Variants in ATP2B3 observed in about 807,000 individuals in gnomAD.
The protein encoded by ATP2B3 is ATPase plasma membrane Ca2+ transporting 3.
ATP2B3 carries 12 observed loss-of-function variants against 70.8 expected under a neutral mutation model. The ratio of observed to expected loss-of-function variants is 0.17; its 90% CI spans 0.11 to 0.27. The LOEUF (loss-of-function observed/expected upper bound fraction) is 0.27, where lower values mean the gene tolerates loss of function less well. ATP2B3 is among the 10% of genes least tolerant of loss of function. The pLI, the probability that ATP2B3 is intolerant of heterozygous loss-of-function variation, is 1.00. For synonymous variants in ATP2B3, 460 were observed against 497.8 expected, an observed-to-expected ratio of 0.92 and a Z score of 1.01; for missense variants, 858 against 1,118.5, an observed-to-expected ratio of 0.77 and a Z score of 3.32.
intron 2 of ATP2B3, among the ~76,000 whole-genome samples, chrX:153,520,339 G>T (rs1309556204): frequency 2.7e-5 from 3 of 112,498 alleles, no homozygotes; most frequent in Non-Finnish European, 5.6e-5. Context: ...TACCCTCTGG[G>T]CCTCTTGCAG....
intron 13 of ATP2B3, among the ~76,000 whole-genome samples, chrX:153,555,582 C>A (rs987924337): frequency 1.8e-5 from 2 of 112,009 alleles, no homozygotes; most frequent in South Asian, 7.5e-4. Context: ...CCTGTCCCCC[C>A]ACCACTGGGA....
chrX:153,536,387 A>G lies in ATP2B3; in HGVS notation c.140A>G (p.Gln47Arg). Reference protein sequence around the residue: ...LMELRGAEALQKIEEAYGDVS... With the variant: ...LMELRGAEALRKIEEAYGDVS... ...GAGCTGCGAGGGGCCGAGGCGCTGC[A>G]GAAGATCGAGGAGGCCTACGGGGAT... Residue 47 changes from glutamine to arginine, a missense_variant, in exon 3 of 22, where the codon CAG becomes CGG. Gln to Arg is a conservative substitution (Grantham distance 43). Transcript: ENST00000263519. 8.3e-7 allele frequency: 1 copy of G among 1,205,524 alleles called. No individual in the cohort carries two copies. The highest frequency in any genetic ancestry group is 1.1e-6 in the Non-Finnish European group (1 of 893,044).
chrX:153,556,272 C>T lies in ATP2B3; in HGVS notation c.2238+44C>T, dbSNP rs1557013498. 2.5e-6 allele frequency: 3 copies of T among 1,200,288 alleles called. No homozygotes were observed. The South Asian group carries it at 5.4e-5, about 22-fold the overall frequency. ...CCACCCCAGACCCCCCTTCTCCTCA[C>T]CCCAGCCCCCTGCGTGCCCGCCTTA... On this transcript the variant is annotated intron_variant, in intron 14 of 21. Transcript: ENST00000263519.
rs565921476 is a variant in ATP2B3 at position 153,529,004 on chromosome X, G to A, written c.-126-7118G>A. The stretch of plus-strand genomic sequence containing the variant: ...CTGAAAATTAAAACATGACGTAGGA[G>A]GTGGGAGAGTAGCTAGCAAGTTTCT... On this transcript the variant is annotated intron_variant, in intron 2 of 21. Coordinates refer to ENST00000263519, the MANE Select transcript of ATP2B3 (RefSeq NM_001001344.3). 1.8e-3 allele frequency among the ~76,000 whole-genome samples: 201 copies of A among 112,607 alleles called. 6 individuals carry two copies. The South Asian group carries it at 0.069, about 39-fold the overall frequency.
chrX:153,558,379 G>T, intron 17 of ATP2B3, 76 bp downstream of exon 17: 2 of 991,395 alleles, frequency 2.0e-6, no homozygotes, highest in Admixed American at 3.3e-5. Context: ...GAGAGTGAGG[G>T]TTTTGTTTTC....
intron 2 of ATP2B3, among the ~76,000 whole-genome samples, chrX:153,522,079 C>G (rs2089966493): frequency 8.9e-6 from 1 of 112,163 alleles, no homozygotes; most frequent in South Asian, 3.7e-4. Flanking sequence ...GGGACAGGCT[C>G]CAGTCTGAGA....
At chrX:153,554,524 G>A (rs782464203) in intron 13 of ATP2B3, among the ~76,000 whole-genome samples, 18 of 112,910 alleles carry the variant, frequency 1.6e-4, no homozygotes, top group African/African-American at 4.5e-4. Flanking sequence ...TGCGGAGGCT[G>A]GGCAGACCCC....
chrX:153,572,543 G>A (rs2124539777), intron 21 of ATP2B3, among the ~76,000 whole-genome samples: 1 of 112,124 alleles, frequency 8.9e-6, no homozygotes, highest in Admixed American at 9.4e-5. Flanking sequence ...CTGGGGCTCA[G>A]TGCTCACACA....
intron 13 of ATP2B3, among the ~76,000 whole-genome samples, chrX:153,554,703 T>TG (rs1247326961): frequency 1.8e-5 from 2 of 112,694 alleles, no homozygotes; most frequent in Admixed American, 1.9e-4. Context: ...GGCTGGGCCC[T>TG]GGGGAGCCAT....
At chrX:153,567,662 C>T (rs981553420) in intron 21 of ATP2B3, among the ~76,000 whole-genome samples, 3 of 112,391 alleles carry the variant, frequency 2.7e-5, no homozygotes, top group African/African-American at 6.5e-5. Flanking sequence ...CGAGTCCCAT[C>T]GGTCAGAGTC....
chrX:153,548,705 G>A lies in ATP2B3; in HGVS notation c.1189G>A (p.Val397Met), dbSNP rs983976559. 4.5e-5 allele frequency: 55 copies of A among 1,209,497 alleles called. No individual in the cohort carries two copies. The highest frequency in any genetic ancestry group is 5.9e-5 in the East Asian group (2 of 33,730). The change falls in exon 10 of 22, where the codon GTG becomes ATG. Residue 397 changes from valine to methionine, a missense_variant. Coordinates refer to ENST00000263519, the MANE Select transcript of ATP2B3 (RefSeq NM_001001344.3). ...VLYFVIETFV[V>M]EGRTWLAECT... The stretch of plus-strand genomic sequence containing the variant: ...CTACTTTGTGATTGAGACGTTTGTC[G>A]TGGAAGGCCGGACATGGCTGGCAGA...
intron 12 of ATP2B3, among the ~76,000 whole-genome samples, chrX:153,551,055 G>C (rs1267363925): frequency 8.9e-6 from 1 of 112,566 alleles, no homozygotes; most frequent in Non-Finnish European, 1.9e-5. Flanking sequence ...GAATATTCAC[G>C]TACAAGTTTT....
At chrX:153,523,288 C>T (rs1471615408) in intron 2 of ATP2B3, among the ~76,000 whole-genome samples, 9 of 112,651 alleles carry the variant, frequency 8.0e-5, no homozygotes, top group African/African-American at 2.9e-4. Context: ...CGGGATGTAT[C>T]AGGCGGCCTT....
intron 17 of ATP2B3, among the ~76,000 whole-genome samples, chrX:153,558,744 A>T (rs67974384): frequency 0.074 from 8,282 of 111,937 alleles, 363 homozygotes; most frequent in African/African-American, 0.15. Flanking sequence ...ACCGTAGCAT[A>T]GGGCAGGACT....
At chrX:153,542,071 G>C in intron 5 of ATP2B3, 145 bp downstream of exon 5, 1 of 560,437 alleles carries the variant, frequency 1.8e-6, no homozygotes, top group Non-Finnish European at 2.4e-6. Context: ...GGTGGCGGGG[G>C]TGGGGGAGGT....
At chrX:153,543,560 G>A (rs2090319683) in intron 7 of ATP2B3, among the ~76,000 whole-genome samples, 1 of 112,702 alleles carries the variant, frequency 8.9e-6, no homozygotes, top group African/African-American at 3.2e-5. Flanking sequence ...GGGAGGTGGG[G>A]GTCAGAGGTC....
chrX:153,556,553 G>C, intron 15 of ATP2B3, 135 bp downstream of exon 15: 1 of 681,819 alleles, frequency 1.5e-6, no homozygotes, highest in Non-Finnish European at 2.2e-6. Context: ...CATTAGCCCA[G>C]AGCAGCAGGG....
chrX:153,569,819 G>C (rs2090762406), intron 21 of ATP2B3: 1 of 1,144,016 alleles, frequency 8.7e-7, no homozygotes, highest in Non-Finnish European at 1.2e-6. Context: ...AGCCTCCCCA[G>C]CTCGGCCTTC....
rs189426918 is a variant in ATP2B3, at chrX:153,576,082, G to A, written c.3343-3896G>A. The stretch of plus-strand genomic sequence containing the variant: ...TCTTTTTAAATTGTCACAGTAAAAC[G>A]GGCTTTTGGGGGTACAGTTCAATGA... On this transcript the variant is annotated intron_variant, in intron 21 of 21. Transcript: ENST00000263519. 8.2e-3 allele frequency among the ~76,000 whole-genome samples: 921 copies of A among 111,814 alleles called. 5 individuals are homozygous for A. Among genetic ancestry groups the A allele is most frequent in the Middle Eastern group, 0.023 (5 of 218 alleles).
Sources: gnomAD v4.1 joint callset for allele counts (sites outside exome capture counted in the v4.1 genomes callset) on GRCh38, gnomAD v4.1.1 for gene constraint, MANE v1.5 for transcripts, NCBI Gene and HGNC (gene_info 2026-07-23, HGNC 2026-07-21) for gene names.